ZNF804B: variants seen among roughly 807,000 people sequenced by gnomAD.
ZNF804B encodes zinc finger protein 804B.
In ZNF804B, 80 loss-of-function variants were observed where a neutral mutation model predicts 101.4. The observed-to-expected ratio is 0.79, with a 90% CI of 0.66 to 0.95. ZNF804B has a LOEUF of 0.95. Among genes scored for constraint, ZNF804B ranks in the 40% least tolerant of loss-of-function variants. The pLI is 0.00. For missense variants in ZNF804B, 1,673 were observed against 1,561.9 expected (o/e 1.07, Z -1.20); for synonymous variants, 622 against 558.8 (o/e 1.11, Z -1.59).
chr7:89,236,704 GT>G (rs1190234531), intron 2 of ZNF804B, among the ~76,000 whole-genome samples: 41 of 152,150 alleles, frequency 2.7e-4, no homozygotes, highest in African/African-American at 9.6e-4. Context: ...CATAATTTAA[GT>G]TTTATGAAAT....
chr7:88,891,531 T>C (rs1792214543), intron 1 of ZNF804B, among the ~76,000 whole-genome samples: 1 of 152,126 alleles, frequency 6.6e-6, no homozygotes, highest in Non-Finnish European at 1.5e-5. Flanking sequence ...CTTGAAGTAT[T>C]TATTGCCTTT....
chr7:89,197,221 G>GA (rs1029408421), intron 1 of ZNF804B, among the ~76,000 whole-genome samples: 8 of 151,438 alleles, frequency 5.3e-5, no homozygotes, highest in East Asian at 1.9e-4. Context: ...AAAAGCTGAA[G>GA]AAAAAAAATT....
At chr7:89,094,863 A>G (rs1210883052) in intron 1 of ZNF804B, among the ~76,000 whole-genome samples, 2 of 152,228 alleles carry the variant, frequency 1.3e-5, no homozygotes, top group Non-Finnish European at 2.9e-5. Flanking sequence ...CTGATTGAGT[A>G]ACTTTGGAGG....
chr7:89,096,150 AT>A (rs1366727362), intron 1 of ZNF804B, among the ~76,000 whole-genome samples: 2 of 60,426 alleles, frequency 3.3e-5, no homozygotes, highest in Non-Finnish European at 5.9e-5. Flanking sequence ...GCCAGACTCC[AT>A]TTAAAAAAAA....
At chr7:88,778,954 T>G (rs949558731) in intron 1 of ZNF804B, among the ~76,000 whole-genome samples, 5 of 152,186 alleles carry the variant, frequency 3.3e-5, no homozygotes, top group Non-Finnish European at 5.9e-5. Flanking sequence ...CCCAGTTCCA[T>G]TTTCAAAAAT....
intron 1 of ZNF804B, among the ~76,000 whole-genome samples, chr7:89,074,222 G>T (rs1789583243): frequency 6.6e-6 from 1 of 152,116 alleles, no homozygotes; most frequent in Non-Finnish European, 1.5e-5. Flanking sequence ...AAAGGATTTG[G>T]ATTAAAATAT....
At chr7:89,098,904 A>G (rs546234532) in intron 1 of ZNF804B, among the ~76,000 whole-genome samples, 2 of 151,948 alleles carry the variant, frequency 1.3e-5, no homozygotes, top group Admixed American at 6.6e-5. Flanking sequence ...ATACCTGGTC[A>G]TAAGATGAAA....
chr7:89,266,075 A>T (rs1433372160), intron 2 of ZNF804B, among the ~76,000 whole-genome samples: 1 of 152,132 alleles, frequency 6.6e-6, no homozygotes, highest in Non-Finnish European at 1.5e-5. Context: ...TTATCAGAGA[A>T]TTTGAGGTTT....
chr7:89,304,105 G>A (rs957684923), intron 2 of ZNF804B, among the ~76,000 whole-genome samples: 2 of 151,798 alleles, frequency 1.3e-5, no homozygotes, highest in African/African-American at 4.8e-5. Flanking sequence ...TCTTTGAAAT[G>A]TAAACATTCT....
At chr7:88,872,581 C>G (rs902260207) in intron 1 of ZNF804B, among the ~76,000 whole-genome samples, 7 of 151,932 alleles carry the variant, frequency 4.6e-5, no homozygotes, top group Non-Finnish European at 7.4e-5. Context: ...AACTCGTCAT[C>G]TAGCATTAGG....
In ZNF804B at chr7:89,333,597, A is replaced by G. The variant is rs977415085; in HGVS notation, c.615A>G (p.Gln205=). ...RRCLFGNQVL[Q]TSSDLSNANH... Reference sequence around the variant, plus strand: ...GTTTGTTTGGAAATCAGGTACTGCAAACATCTTCAGATCTCAGCAATGCAA... The same window carrying G: ...GTTTGTTTGGAAATCAGGTACTGCAGACATCTTCAGATCTCAGCAATGCAA... The change falls in exon 4 of 4, where the codon CAA becomes CAG. Residue 205 remains glutamine, a synonymous_variant. Transcript: ENST00000333190. The G allele has an allele frequency of 5.6e-6, 9 of 1,613,540 alleles. No homozygotes were observed. Among genetic ancestry groups the G allele is most frequent in the Middle Eastern group, 3.3e-4 (2 of 6,080 alleles).
intron 1 of ZNF804B, among the ~76,000 whole-genome samples, chr7:88,777,269 A>C (rs1235202851): frequency 6.6e-6 from 1 of 152,174 alleles, no homozygotes; most frequent in Non-Finnish European, 1.5e-5. Context: ...CCACCGCCAA[A>C]ACTCATGAGC....
rs1362977285 is a variant in ZNF804B, at chr7:89,334,844, T to C, written c.1862T>C (p.Ile621Thr). The change falls in exon 4 of 4, where the codon ATA becomes ACA. Residue 621 changes from isoleucine (I) to threonine (T), a missense_variant. Physicochemically the swap from Ile to Thr is moderately conservative, Grantham distance 89. Transcript: ENST00000333190. ...TGCAGAAAGGCAGTTCTAAATGATA[T>C]AGATGAGGACCTATCTTTTCCTTCC... ...QGCRKAVLND[I>T]DEDLSFPSYI... 5 of 1,613,698 alleles carry C rather than the reference T, an allele frequency of 3.1e-6. No homozygotes were observed. The highest frequency in any genetic ancestry group is 2.2e-5 in the South Asian group (2 of 91,082).
intron 3 of ZNF804B, among the ~76,000 whole-genome samples, chr7:89,330,820 A>G (rs1002546078): frequency 6.6e-6 from 1 of 151,258 alleles, no homozygotes; most frequent in African/African-American, 2.4e-5. Flanking sequence ...TAGAAAAACA[A>G]TAAGAGCAAA....
chr7:89,122,366 T>A (rs73705720), intron 1 of ZNF804B, among the ~76,000 whole-genome samples: 2,328 of 152,344 alleles, frequency 0.015, 77 homozygotes, highest in African/African-American at 0.053. Flanking sequence ...AGAAAGTTGG[T>A]TGGGCTGCAT....
intron 1 of ZNF804B, among the ~76,000 whole-genome samples, chr7:89,216,607 T>C (rs1000470426): frequency 6.6e-6 from 1 of 152,214 alleles, no homozygotes; most frequent in Non-Finnish European, 1.5e-5. Context: ...ATCCATATAC[T>C]TGGTCTAGTT....
intron 1 of ZNF804B, among the ~76,000 whole-genome samples, chr7:89,096,898 A>C (rs1423627306): frequency 6.6e-6 from 1 of 152,180 alleles, no homozygotes; most frequent in Non-Finnish European, 1.5e-5. Context: ...GGTGAGCTGT[A>C]AACCTTCTCT....
chr7:89,276,775 G>T (rs1402051770), intron 2 of ZNF804B, among the ~76,000 whole-genome samples: 1 of 151,600 alleles, frequency 6.6e-6, no homozygotes, highest in Non-Finnish European at 1.5e-5. Context: ...TAAAATGTTT[G>T]TCAACTATAT....
chr7:89,299,997 G>A (rs1790450213), intron 2 of ZNF804B, among the ~76,000 whole-genome samples: 1 of 151,854 alleles, frequency 6.6e-6, no homozygotes, highest in East Asian at 2.0e-4. Context: ...TGCTGCTTAA[G>A]TATTCCCCAG....
Sources: gnomAD v4.1 joint callset for allele counts (sites outside exome capture counted in the v4.1 genomes callset) on GRCh38, gnomAD v4.1.1 for gene constraint, MANE v1.5 for transcripts, NCBI Gene and HGNC (gene_info 2026-07-23, HGNC 2026-07-21) for gene names.